The following EFCAB6 variants were observed in gnomAD, a reference collection of about 807,000 sequenced individuals.
EFCAB6 encodes the protein EF-hand calcium binding domain 6, also known as EF-hand calcium-binding domain-containing protein 6.
EFCAB6 carries 156 observed loss-of-function variants against 169.8 expected under a neutral mutation model. That is an observed-to-expected ratio of 0.92 (90% CI 0.81 to 1.05). The LOEUF (loss-of-function observed/expected upper bound fraction) is 1.05. Among genes scored for constraint, EFCAB6 ranks in the 50% least tolerant of loss-of-function variants. The pLI, the probability that EFCAB6 is intolerant of heterozygous loss-of-function variation, is 0.00. For synonymous variants in EFCAB6, 698 were observed against 676.4 expected (o/e 1.03, Z -0.50); for missense variants, 1,800 against 1,829.1 (o/e 0.98, Z 0.29).
chr22:43,721,051 C>T (rs1344654622), intron 8 of EFCAB6, among the ~76,000 whole-genome samples: 1 of 152,086 alleles, frequency 6.6e-6, no homozygotes, highest in East Asian at 1.9e-4. Flanking sequence ...AATCAATGTA[C>T]AAAAATCAGT....
intron 5 of EFCAB6, among the ~76,000 whole-genome samples, chr22:43,758,956 C>G (rs2061053828): frequency 6.6e-6 from 1 of 152,202 alleles, no homozygotes; most frequent in Non-Finnish European, 1.5e-5. Flanking sequence ...GGTGCAGTGG[C>G]TCACGCCTGT....
At chr22:43,743,572 TGTGCAG>T (rs138657170) in intron 6 of EFCAB6, among the ~76,000 whole-genome samples, 1,668 of 152,310 alleles carry the variant, frequency 0.011, 28 homozygotes, top group African/African-American at 0.039. Context: ...GGAGCTCATG[TGTGCAG>T]GTGCTTCACA....
intron 17 of EFCAB6, among the ~76,000 whole-genome samples, chr22:43,654,934 C>T (rs1165422375): frequency 6.6e-6 from 1 of 150,882 alleles, no homozygotes; most frequent in African/African-American, 2.4e-5. Flanking sequence ...AATTATTTAC[C>T]ATATGAAATA....
chr22:43,572,205 G>A lies in EFCAB6; in HGVS notation c.3420+4092C>T, dbSNP rs1204013745. ...ATGAGGATGTTGAGCAGGTGCTTCT[G>A]GAGGTGAAGGCAACTCTTTGTGATG... On this transcript the variant is annotated intron_variant, in intron 26 of 31. Transcript: ENST00000262726. This position sits in a 1 kb window ranked among gnomAD's most constrained non-coding sequence, Gnocchi z 4.0. Among the ~76,000 whole-genome samples, 1 of 152,214 alleles carries A rather than the reference G, an allele frequency of 6.6e-6. No homozygotes were observed. The highest frequency in any genetic ancestry group is 2.4e-5 in the African/African-American group (1 of 41,460).
rs12170108 is a variant in EFCAB6 at position 43,632,542 on chromosome 22, C to T, written c.2099-304G>A. ...CTCAAACTCCTGATCTCAGGTGATCCGCCCGCCTCAGCCTCCCAAAGTGCT... is the reference window on the plus strand; with the variant it reads ...CTCAAACTCCTGATCTCAGGTGATCTGCCCGCCTCAGCCTCCCAAAGTGCT... On this transcript the variant is annotated intron_variant, in intron 18 of 31. Transcript: ENST00000262726. Among the ~76,000 whole-genome samples the T allele has an allele frequency of 4.9e-3, 744 of 152,210 alleles. 6 individuals are homozygous for T. The highest frequency in any genetic ancestry group is 0.017 in the African/African-American group (710 of 41,530).
chr22:43,576,221 A>G, intron 26 of EFCAB6, 76 bp downstream of exon 26: 1 of 1,298,644 alleles, frequency 7.7e-7, no homozygotes, highest in Non-Finnish European at 1.0e-6. Flanking sequence ...ATATGGTTCT[A>G]ATCAATTATC....
chr22:43,573,520 T>C (rs931157916), intron 26 of EFCAB6, among the ~76,000 whole-genome samples: 3 of 151,662 alleles, frequency 2.0e-5, no homozygotes, highest in African/African-American at 4.8e-5. Flanking sequence ...TCACCTGAGG[T>C]AGGAGTTTGA....
At chr22:43,737,220 C>T (rs776121095) in intron 6 of EFCAB6, among the ~76,000 whole-genome samples, 4 of 152,100 alleles carry the variant, frequency 2.6e-5, no homozygotes, top group African/African-American at 9.7e-5. Context: ...TCCAGCAGGA[C>T]GGGTGCTGCG....
At chr22:43,790,495 C>T (rs35400530) in intron 2 of EFCAB6, among the ~76,000 whole-genome samples, 7,129 of 152,186 alleles carry the variant, frequency 0.047, 233 homozygotes, top group Non-Finnish European at 0.072. Flanking sequence ...ATCAGATCTA[C>T]GGAGACCAGT....
At chr22:43,666,428 T>G (rs2057251735) in intron 17 of EFCAB6, among the ~76,000 whole-genome samples, 1 of 152,246 alleles carries the variant, frequency 6.6e-6, no homozygotes, top group South Asian at 2.1e-4. Flanking sequence ...AATTATACTC[T>G]TCTTGGAAAT....
intron 30 of EFCAB6, among the ~76,000 whole-genome samples, chr22:43,531,598 C>G (rs533092277): frequency 2.0e-5 from 3 of 152,232 alleles, no homozygotes; most frequent in South Asian, 4.2e-4. Context: ...GGCAACAATG[C>G]GTAACACATC....
intron 23 of EFCAB6, 99 bp from the exon 24 acceptor site, chr22:43,590,328 G>T: frequency 7.3e-7 from 1 of 1,360,616 alleles, no homozygotes; most frequent in Non-Finnish European, 9.9e-7. Flanking sequence ...ATGAGCTGAT[G>T]GCTCATCTAA....
intron 21 of EFCAB6, among the ~76,000 whole-genome samples, chr22:43,613,987 A>C (rs918520471): frequency 6.6e-6 from 1 of 152,002 alleles, no homozygotes; most frequent in Non-Finnish European, 1.5e-5. Context: ...TGAAAACTAC[A>C]AAACTCTGAC....
Position 43,542,441 on chromosome 22 carries a change from G to A in EFCAB6, c.3649-2084C>T, listed in dbSNP as rs1022316400. On this transcript the variant is annotated intron_variant, in intron 27 of 31. Transcript: ENST00000262726. Reference sequence around the variant, plus strand: ...CTGAAAATACAAAAATTAGCTGGGCGTGGTGGCAGGAGCCTGTAAGTCCAG... The same window carrying A: ...CTGAAAATACAAAAATTAGCTGGGCATGGTGGCAGGAGCCTGTAAGTCCAG... 5.9e-5 allele frequency among the ~76,000 whole-genome samples: 9 copies of A among 152,298 alleles called. No individual in the cohort carries two copies. In the East Asian group the frequency reaches 7.7e-4, roughly 13 times the overall value.
chr22:43,643,640 G>A (rs1020393943), intron 17 of EFCAB6, among the ~76,000 whole-genome samples: 7 of 152,158 alleles, frequency 4.6e-5, no homozygotes, highest in African/African-American at 1.2e-4. Context: ...CCTGGGAGAC[G>A]CGTTGCTCCC....
rs2056440747 is a variant in EFCAB6 at position 43,651,036 on chromosome 22, C to T, written c.1984-15820G>A. On this transcript the variant is annotated intron_variant, in intron 17 of 31. Coordinates refer to ENST00000262726, the MANE Select transcript of EFCAB6 (RefSeq NM_022785.4). ...CTGACAATGCGATAGAAAAGAAAAT[C>T]CCATTTTCTGAGCAGAAATTCAAGC... Among the ~76,000 whole-genome samples, 3 of 152,162 alleles carry T rather than the reference C, an allele frequency of 2.0e-5. No individual in the cohort carries two copies. The South Asian group carries it at 6.2e-4, about 32-fold the overall frequency.
At chr22:43,599,769 A>G (rs2052353965) in intron 23 of EFCAB6, among the ~76,000 whole-genome samples, 1 of 152,120 alleles carries the variant, frequency 6.6e-6, no homozygotes, top group Non-Finnish European at 1.5e-5. Context: ...TATTTGGGCC[A>G]AGGGCGTGGC....
At chr22:43,730,011 A>T (rs1302943730) in intron 8 of EFCAB6, among the ~76,000 whole-genome samples, 4 of 149,700 alleles carry the variant, frequency 2.7e-5, no homozygotes, top group African/African-American at 9.8e-5. Flanking sequence ...TTTTTTTTTT[A>T]AAGTTAGCCA....
rs1210876798 is a variant in EFCAB6, at chr22:43,615,853, T to C, written c.2535A>G (p.Ala845=). The part of the protein sequence containing the change: ...EQAHQYLVTK[A]KNRWSDLSKN... Reference sequence around the variant, plus strand: ...TAGACAAGTCTGACCATCTGTTTTTTGCTTTGGTAACAAGATACTGATGAG... The same window carrying C: ...TAGACAAGTCTGACCATCTGTTTTTCGCTTTGGTAACAAGATACTGATGAG... The change falls in exon 21 of 32, where the codon GCA becomes GCG. Residue 845 remains alanine (A), a synonymous_variant. Transcript: ENST00000262726. The C allele has an allele frequency of 6.2e-7, 1 of 1,613,834 alleles. No individual in the cohort carries two copies. Among genetic ancestry groups the C allele is most frequent in the Non-Finnish European group, 8.5e-7 (1 of 1,179,946 alleles).
Sources: allele counts gnomAD v4.1 joint callset (sites outside exome capture counted in the v4.1 genomes callset), GRCh38; gene constraint gnomAD v4.1.1; non-coding constraint Gnocchi (gnomAD v3.1); transcripts MANE v1.5; gene names NCBI Gene and HGNC (gene_info 2026-07-23, HGNC 2026-07-21).